The following HELZ variants were observed in gnomAD, a reference collection of about 807,000 sequenced individuals.
HELZ encodes ATP-dependent RNA helicase with zinc finger domain.
Under a neutral mutation model 218.2 loss-of-function variants are expected in HELZ, and 23 were observed. That is an observed-to-expected ratio of 0.11 (90% CI 0.08 to 0.15). HELZ has a LOEUF of 0.15. HELZ is among the 10% of genes least tolerant of loss of function. The pLI, the probability that HELZ is intolerant of heterozygous loss-of-function variation, is 1.00. For missense variants in HELZ, 1,813 were observed against 2,353.7 expected, an observed-to-expected ratio of 0.77 and a Z score of 4.75; for synonymous variants, 814 against 829.4, an observed-to-expected ratio of 0.98 and a Z score of 0.32.
intron 27 of HELZ, among the ~76,000 whole-genome samples, chr17:67,115,529 C>G (rs2037401102): frequency 6.6e-6 from 1 of 151,776 alleles, no homozygotes; most frequent in Non-Finnish European, 1.5e-5. Flanking sequence ...ACTGATAAAA[C>G]CAGTATAAAA....
chr17:67,233,852 T>C (rs2041102510), intron 3 of HELZ, among the ~76,000 whole-genome samples: 1 of 151,804 alleles, frequency 6.6e-6, no homozygotes, highest in Admixed American at 6.6e-5. Flanking sequence ...TCAAGTTCTG[T>C]ATACATAGAA....
chr17:67,180,102 G>C (rs969963148), intron 12 of HELZ, among the ~76,000 whole-genome samples: 1 of 152,104 alleles, frequency 6.6e-6, no homozygotes, highest in Non-Finnish European at 1.5e-5. Context: ...TCACATGCCA[G>C]TTTTATTTCT....
In HELZ at chr17:67,086,780, C is replaced by T. The variant is rs1445396543; in HGVS notation, c.5494+49G>A. ...TATAGAAGAAAAACTCCACAGATAT[C>T]CGGGAGCTGAGGAGTACAGATTAGT... On this transcript the variant is annotated intron_variant, in intron 32 of 32. Coordinates refer to ENST00000358691, the MANE Select transcript of HELZ (RefSeq NM_014877.4). The T allele has an allele frequency of 2.5e-6, 4 of 1,593,308 alleles. No individual in the cohort carries two copies. The Admixed American group carries it at 5.1e-5, about 20-fold the overall frequency.
intron 27 of HELZ, among the ~76,000 whole-genome samples, chr17:67,117,468 A>G (rs2143803535): frequency 6.6e-6 from 1 of 152,342 alleles, no homozygotes; most frequent in South Asian, 2.1e-4. Flanking sequence ...GTATTACTGA[A>G]GAGAAAAATT....
chr17:67,203,537 T>C lies in HELZ; in HGVS notation c.248-94A>G, dbSNP rs8073325. ...AACACACTATCACAAGCGTGGCTTT[T>C]TATATGCTAAAAGAGTAACTTCAAA... On this transcript the variant is annotated intron_variant, in intron 5 of 32. Transcript: ENST00000358691. The C allele has an allele frequency of 0.017, 25,016 of 1,435,156 alleles. 2,965 individuals are homozygous for C. In the African/African-American group the frequency reaches 0.28, roughly 16 times the overall value. The allele number at this position is 1,435,156 out of a possible 1,614,324, so 88.9% of individuals were successfully genotyped here.
At chr17:67,084,709 C>T (rs781587016) in intron 32 of HELZ, among the ~76,000 whole-genome samples, 3 of 151,202 alleles carry the variant, frequency 2.0e-5, no homozygotes, top group Non-Finnish European at 4.4e-5. Flanking sequence ...ATGATGTTAT[C>T]GTAAAAAAAT....
Position 67,078,248 on chromosome 17 carries a change from G to C in HELZ, c.*4C>G, listed in dbSNP as rs758618149. On this transcript the variant is annotated 3_prime_UTR_variant, in exon 33 of 33. Transcript: ENST00000358691. ...CATTCTCCCTTGAGGGAAAAAAAAA[G>C]TGATTATTTAAAATATGAGTAAAAG... 5.8e-6 allele frequency: 9 copies of C among 1,555,426 alleles called. No homozygotes were observed. In the East Asian group the frequency reaches 1.4e-4, roughly 24 times the overall value.
chr17:67,156,976 ATAAG>A (rs1217682444), intron 17 of HELZ, among the ~76,000 whole-genome samples: 6 of 152,130 alleles, frequency 3.9e-5, no homozygotes, highest in Admixed American at 3.9e-4. Context: ...CCCCTTGATG[ATAAG>A]TAAGCTTTTG....
chr17:67,217,257 G>A (rs941825788), intron 4 of HELZ, among the ~76,000 whole-genome samples: 1 of 152,058 alleles, frequency 6.6e-6, no homozygotes, highest in Non-Finnish European at 1.5e-5. Flanking sequence ...AAAAAGTATC[G>A]AGGTAAGTAA....
At position 67,076,981 on chromosome 17, in the gene HELZ, G is replaced by A. The variant is rs1466506401; in HGVS notation, c.*1271C>T. On this transcript the variant is annotated 3_prime_UTR_variant, in exon 33 of 33. Transcript: ENST00000358691. ...TGACAAGACCATAAGTTTCAAGAGGGTAAACATCTTCCTTTGGATTTTACC... is the reference window on the plus strand; with the variant it reads ...TGACAAGACCATAAGTTTCAAGAGGATAAACATCTTCCTTTGGATTTTACC... 2.0e-5 allele frequency: 3 copies of A among 152,066 alleles called. No individual in the cohort carries two copies. Among genetic ancestry groups the A allele is most frequent in the African/African-American group, 7.2e-5 (3 of 41,400 alleles). The allele number at this position is 152,066 out of a possible 1,614,324, so 9.4% of individuals were successfully genotyped here. A position where few individuals can be genotyped will look rare whatever the true frequency, so the allele number is the denominator to read the frequency against.
At position 67,138,031 on chromosome 17, in the gene HELZ, A is replaced by G. The variant is rs188504690; in HGVS notation, c.2853T>C (p.Gly951=). ...CTTGATCAGCATATGGAGTCACCAC[A>G]CCAATACTGCCATCATCTAACTTCC... ...AWGKLDDGSI[G]VVTPYADQVF... The change falls in exon 22 of 33, where the codon GGT becomes GGC. Residue 951 remains glycine, a synonymous_variant. Transcript: ENST00000358691. The G allele has an allele frequency of 3.9e-5, 63 of 1,613,862 alleles. No homozygotes were observed. Among genetic ancestry groups the G allele is most frequent in the Non-Finnish European group, 5.3e-5 (62 of 1,179,844 alleles).
chr17:67,165,996 C>T (rs189711624), intron 15 of HELZ, among the ~76,000 whole-genome samples: 2 of 152,176 alleles, frequency 1.3e-5, no homozygotes, highest in Admixed American at 1.3e-4. Context: ...ATCAGCCAGA[C>T]ACAGTGGCAT....
chr17:67,234,669 T>C (rs903303251), intron 3 of HELZ, among the ~76,000 whole-genome samples: 3 of 151,538 alleles, frequency 2.0e-5, no homozygotes, highest in African/African-American at 7.3e-5. Flanking sequence ...CCCCTAACTT[T>C]ATAAAAAATA....
Position 67,072,781 on chromosome 17 carries a change from C to T in HELZ, c.*5471G>A, listed in dbSNP as rs1243472502. 6.6e-6 allele frequency: 1 copy of T among 152,178 alleles called. No homozygotes were observed. The highest frequency in any genetic ancestry group is 6.5e-5 in the Admixed American group (1 of 15,282). 9.4% of individuals were successfully genotyped at this position (152,178 alleles called of 1,614,324 possible). A position where few individuals can be genotyped will look rare whatever the true frequency, so the allele number is the denominator to read the frequency against. On this transcript the variant is annotated 3_prime_UTR_variant, in exon 33 of 33. Transcript: ENST00000358691. ...AATGTCTCCAGAGATCAGTTTTTTA[C>T]ACTGAGTAAATAAATACATGGTTGA...
intron 28 of HELZ, among the ~76,000 whole-genome samples, chr17:67,110,933 A>T (rs2037262630): frequency 1.3e-5 from 2 of 152,212 alleles, no homozygotes. Flanking sequence ...GTAGTGCCTG[A>T]GAAAATTAAG....
chr17:67,091,191 T>C (rs944307904), intron 31 of HELZ, among the ~76,000 whole-genome samples: 1 of 151,972 alleles, frequency 6.6e-6, no homozygotes, highest in African/African-American at 2.4e-5. Context: ...GGACAAGGTG[T>C]GAAAATGTAT....
At chr17:67,086,317 GT>G (rs1338339455) in intron 32 of HELZ, among the ~76,000 whole-genome samples, 1 of 152,022 alleles carries the variant, frequency 6.6e-6, no homozygotes, top group Non-Finnish European at 1.5e-5. Flanking sequence ...GCCAGGTGCG[GT>G]GGCTCACGCC....
intron 3 of HELZ, among the ~76,000 whole-genome samples, chr17:67,227,176 A>G (rs2040915762): frequency 6.6e-6 from 1 of 151,628 alleles, no homozygotes. Flanking sequence ...TTAAAATATG[A>G]CCTAAATGTC....
At chr17:67,245,545 C>CGCGGA, upstream of HELZ, 1 of 981,994 alleles carries the variant, frequency 1.0e-6, no homozygotes, top group East Asian at 1.1e-4. Flanking sequence ...CGCGGCGCGG[C>CGCGGA]GCGGAGCTGC....
Sources: gnomAD v4.1 joint callset for allele counts (sites outside exome capture counted in the v4.1 genomes callset) on GRCh38, gnomAD v4.1.1 for gene constraint, MANE v1.5 for transcripts, NCBI Gene and HGNC (gene_info 2026-07-23, HGNC 2026-07-21) for gene names.